Variants in C12orf42 observed in about 807,000 individuals in gnomAD.
C12orf42 encodes uncharacterized protein C12orf42.
C12orf42 carries 25 observed loss-of-function variants against 21.6 expected under a neutral mutation model. The ratio of observed to expected loss-of-function variants is 1.16; its 90% CI spans 0.84 to 1.62. The LOEUF is 1.62. Ranked by LOEUF, C12orf42 falls within the 40% of genes most tolerant of loss-of-function variation. The probability of loss-of-function intolerance (pLI) is 0.00; values close to 1 mark genes in which losing one functional copy is unlikely to be tolerated. For missense variants in C12orf42, 483 were observed against 459.3 expected (o/e 1.05, Z -0.47); for synonymous variants, 174 against 175.0 (o/e 0.99, Z 0.05).
the C12orf42 span, among the ~76,000 whole-genome samples, chr12:103,520,933 A>G: frequency 6.6e-6 from 1 of 152,230 alleles, no homozygotes; most frequent in African/African-American, 2.4e-5. Context: ...AAAACTCCAG[A>G]AGGAATTAGT....
chr12:103,217,162 G>GT, the C12orf42 span, among the ~76,000 whole-genome samples: 1 of 152,096 alleles, frequency 6.6e-6, no homozygotes, highest in South Asian at 2.1e-4. Context: ...TATTTCTCTG[G>GT]TTAACATGGT....
At chr12:103,148,339 T>A in the C12orf42 span, among the ~76,000 whole-genome samples, 2 of 152,208 alleles carry the variant, frequency 1.3e-5, no homozygotes, top group African/African-American at 4.8e-5. Flanking sequence ...GTGTTACCAA[T>A]CTCAGACCAA....
chr12:103,473,950 G>T (rs1051897099), intron 2 of C12orf42, among the ~76,000 whole-genome samples: 1 of 152,264 alleles, frequency 6.6e-6, no homozygotes, highest in African/African-American at 2.4e-5. Context: ...CAGATGTTTT[G>T]ATTTTTCTTA....
the C12orf42 span, among the ~76,000 whole-genome samples, chr12:103,197,876 G>T: frequency 2.6e-5 from 4 of 152,184 alleles, no homozygotes; most frequent in South Asian, 2.1e-4. Context: ...ATTGTAGGGG[G>T]CTGGGACCAG....
chr12:103,218,495 G>T, the C12orf42 span, among the ~76,000 whole-genome samples: 1 of 152,128 alleles, frequency 6.6e-6, no homozygotes, highest in East Asian at 1.9e-4. Flanking sequence ...TTGAATTGGT[G>T]CCACTAAATA....
At chr12:103,115,485 G>T in the C12orf42 span, among the ~76,000 whole-genome samples, 1 of 152,290 alleles carries the variant, frequency 6.6e-6, no homozygotes, top group Middle Eastern at 3.4e-3. Flanking sequence ...TCATTGTAAA[G>T]GTTATTTCTA....
the C12orf42 span, among the ~76,000 whole-genome samples, chr12:103,144,828 T>G: frequency 6.6e-6 from 1 of 152,136 alleles, no homozygotes; most frequent in Non-Finnish European, 1.5e-5. Context: ...GTATAGATAC[T>G]GCTTGGGATG....
intron 4 of C12orf42, among the ~76,000 whole-genome samples, chr12:103,356,356 A>C (rs1412945568): frequency 6.6e-6 from 1 of 152,196 alleles, no homozygotes; most frequent in East Asian, 1.9e-4. Context: ...TGTATTAGGC[A>C]AAATGGTCTC....
At chr12:103,258,650 A>T (rs111324005) in intron 10 of C12orf42, among the ~76,000 whole-genome samples, 1 of 152,066 alleles carries the variant, frequency 6.6e-6, no homozygotes, top group South Asian at 2.1e-4. Context: ...AGTCCTGTAT[A>T]TAAGATCAAT....
the C12orf42 span, among the ~76,000 whole-genome samples, chr12:103,078,797 G>C: frequency 2.4e-4 from 36 of 152,186 alleles, no homozygotes; most frequent in Admixed American, 2.3e-3. Flanking sequence ...GGCAGTGGGT[G>C]TTTTCCATTC....
At chr12:103,063,522 A>G in the C12orf42 span, among the ~76,000 whole-genome samples, 1 of 152,166 alleles carries the variant, frequency 6.6e-6, no homozygotes, top group Non-Finnish European at 1.5e-5. Context: ...TCCCATCCCC[A>G]GTAGTGACAA....
At chr12:103,250,085 A>G (rs1434866034) in intron 10 of C12orf42, among the ~76,000 whole-genome samples, 1 of 149,176 alleles carries the variant, frequency 6.7e-6, no homozygotes, top group Non-Finnish European at 1.5e-5. Flanking sequence ...CTATCTATCT[A>G]TCTATCTATC....
At chr12:103,435,040 G>A (rs1258163634) in intron 2 of C12orf42, among the ~76,000 whole-genome samples, 11 of 152,206 alleles carry the variant, frequency 7.2e-5, no homozygotes, top group East Asian at 1.9e-4. Context: ...CTCCCAGCAC[G>A]CAGCTGGAGA....
At chr12:103,527,896 T>C in the C12orf42 span, among the ~76,000 whole-genome samples, 7 of 152,254 alleles carry the variant, frequency 4.6e-5, no homozygotes, top group Non-Finnish European at 8.8e-5. Flanking sequence ...ATTTATACAA[T>C]GAAGGCATGT....
chr12:103,167,012 T>C, the C12orf42 span, among the ~76,000 whole-genome samples: 1 of 152,238 alleles, frequency 6.6e-6, no homozygotes, highest in African/African-American at 2.4e-5. Context: ...TTCTCCTTGC[T>C]GTTATCCAAA....
At chr12:103,549,730 T>C in the C12orf42 span, 1 of 152,200 alleles carries the variant, frequency 6.6e-6, no homozygotes, top group Non-Finnish European at 1.5e-5. Flanking sequence ...TGGCAGTCAT[T>C]TTTTTAAATT....
intron 3 of C12orf42, among the ~76,000 whole-genome samples, chr12:103,369,414 A>G (rs560924700): frequency 9.2e-5 from 14 of 152,208 alleles, no homozygotes; most frequent in Non-Finnish European, 1.9e-4. Context: ...TGAAAAACAT[A>G]AAATAAGAGA....
intron 5 of C12orf42, among the ~76,000 whole-genome samples, chr12:103,271,658 G>A (rs2035484150): frequency 6.6e-6 from 1 of 152,146 alleles, no homozygotes; most frequent in East Asian, 1.9e-4. Flanking sequence ...GTAAATGGAA[G>A]CTCTAGAAGA....
the C12orf42 span, among the ~76,000 whole-genome samples, chr12:103,552,954 C>T: frequency 4.6e-4 from 70 of 152,218 alleles, no homozygotes; most frequent in African/African-American, 1.5e-3. Context: ...TATGAGAACT[C>T]ACTCACTATC....
Sources: gnomAD v4.1 joint callset for allele counts (sites outside exome capture counted in the v4.1 genomes callset) on GRCh38, gnomAD v4.1.1 for gene constraint, MANE v1.5 for transcripts, NCBI Gene and HGNC (gene_info 2026-07-23, HGNC 2026-07-21) for gene names.